Variants in CHCHD3 observed in about 807,000 individuals in gnomAD.
The protein encoded by CHCHD3 is coiled-coil-helix-coiled-coil-helix domain containing 3, also known as MICOS complex subunit MIC19.
In CHCHD3, 20 loss-of-function variants were observed where a neutral mutation model predicts 38.2. The ratio of observed to expected loss-of-function variants is 0.52; its 90% CI spans 0.37 to 0.76. The LOEUF (loss-of-function observed/expected upper bound fraction) is 0.76. Among genes scored for constraint, CHCHD3 ranks in the 30% least tolerant of loss-of-function variants. The probability of loss-of-function intolerance (pLI) is 0.00; values close to 1 mark genes in which losing one functional copy is unlikely to be tolerated. For missense variants in CHCHD3, 245 were observed against 279.2 expected, an observed-to-expected ratio of 0.88 and a Z score of 0.87; for synonymous variants, 82 against 100.0, an observed-to-expected ratio of 0.82 and a Z score of 1.07.
chr7:132,985,281 C>T lies in CHCHD3; in HGVS notation c.252-9995G>A, dbSNP rs1237367371. ...TCAGCCCCCCGCCCGGCCAGCCGCC[C>T]CGTCCGGGAGGTGAGGGGCGCCTCT... On this transcript the variant is annotated intron_variant, in intron 3 of 7. Transcript: ENST00000262570. 2.6e-4 allele frequency among the ~76,000 whole-genome samples: 19 copies of T among 72,008 alleles called. 2 individuals are homozygous for T. Among genetic ancestry groups the T allele is most frequent in the African/African-American group, 8.6e-4 (16 of 18,544 alleles). 47.2% of individuals were successfully genotyped at this position (72,008 alleles called of 152,430 possible). A position where few individuals can be genotyped will look rare whatever the true frequency, so the allele number is the denominator to read the frequency against.
chr7:133,056,979 A>G (rs981848304), intron 2 of CHCHD3, among the ~76,000 whole-genome samples: 1 of 152,234 alleles, frequency 6.6e-6, no homozygotes. Flanking sequence ...TGGTGATTTA[A>G]CTACCACCTT....
intron 2 of CHCHD3, among the ~76,000 whole-genome samples, chr7:133,069,319 G>T (rs527907385): frequency 7.1e-6 from 1 of 141,594 alleles, no homozygotes; most frequent in African/African-American, 2.5e-5. Context: ...CGGGGCGGGG[G>T]GGGTCACAAT....
At chr7:132,982,407 C>G (rs1362653044) in intron 3 of CHCHD3, among the ~76,000 whole-genome samples, 1 of 152,180 alleles carries the variant, frequency 6.6e-6, no homozygotes, top group African/African-American at 2.4e-5. Flanking sequence ...GCCTCAGTCT[C>G]CCAAGTAGCT....
rs1811181753 is a variant in CHCHD3 at position 132,956,716 on chromosome 7, G to C, written c.369+18453C>G. Among the ~76,000 whole-genome samples the C allele has an allele frequency of 2.6e-5, 4 of 152,182 alleles. No homozygotes were observed. The South Asian group carries it at 8.3e-4, about 32-fold the overall frequency. ...TCTCACTCATTGTAACAGTCGTCTT[G>C]AAGATAACTGATAGTCTAGGCCTTT... On this transcript the variant is annotated intron_variant, in intron 4 of 7. Coordinates refer to ENST00000262570, the MANE Select transcript of CHCHD3 (RefSeq NM_017812.4).
chr7:133,053,885 A>G (rs1039057175), intron 2 of CHCHD3, among the ~76,000 whole-genome samples: 9 of 152,222 alleles, frequency 5.9e-5, no homozygotes, highest in Non-Finnish European at 1.2e-4. Context: ...ATGAATGAAC[A>G]CACAAGAAAA....
chr7:132,887,168 T>C (rs1362579892), intron 4 of CHCHD3, among the ~76,000 whole-genome samples: 1 of 151,900 alleles, frequency 6.6e-6, no homozygotes, highest in African/African-American at 2.4e-5. Context: ...CACTATGCTG[T>C]TACAGTTTGA....
intron 6 of CHCHD3, among the ~76,000 whole-genome samples, chr7:132,837,750 A>G (rs1807824974): frequency 6.6e-6 from 1 of 152,220 alleles, no homozygotes; most frequent in African/African-American, 2.4e-5. Context: ...CAATAGGACT[A>G]TTTATATACT....
intron 5 of CHCHD3, chr7:132,847,206 A>G (rs1470530710): frequency 6.6e-6 from 1 of 152,174 alleles, no homozygotes; most frequent in Admixed American, 6.5e-5. Context: ...CAATTATATC[A>G]TGCAAAGGAG....
chr7:132,823,863 G>A (rs1807442942), intron 6 of CHCHD3, among the ~76,000 whole-genome samples: 1 of 152,222 alleles, frequency 6.6e-6, no homozygotes, highest in Non-Finnish European at 1.5e-5. Flanking sequence ...ATAGCTAGGA[G>A]TAATGAAAAC....
chr7:132,802,360 A>G (rs1482864206), intron 6 of CHCHD3, among the ~76,000 whole-genome samples: 1 of 152,038 alleles, frequency 6.6e-6, no homozygotes. Flanking sequence ...CACAGCTCTC[A>G]TTCTACCCTT....
chr7:132,879,657 G>C (rs755737562), intron 5 of CHCHD3, among the ~76,000 whole-genome samples: 3 of 118,848 alleles, frequency 2.5e-5, no homozygotes, highest in Non-Finnish European at 4.8e-5. Flanking sequence ...ACATTTTCCT[G>C]AAGAACACAC....
At chr7:133,003,106 A>G (rs1812613511) in intron 3 of CHCHD3, among the ~76,000 whole-genome samples, 1 of 152,246 alleles carries the variant, frequency 6.6e-6, no homozygotes, top group Non-Finnish European at 1.5e-5. Flanking sequence ...AAATCCTGAA[A>G]GCATTAAGGA....
At chr7:132,818,581 T>C (rs991760446) in intron 6 of CHCHD3, among the ~76,000 whole-genome samples, 11 of 152,166 alleles carry the variant, frequency 7.2e-5, no homozygotes, top group African/African-American at 2.7e-4. Flanking sequence ...AAGTATTTAA[T>C]TGGTGTTCTT....
chr7:132,963,322 ATTTTTTTTTTTT>A lies in CHCHD3; in HGVS notation c.369+11835_369+11846del, dbSNP rs1005146883. ...TTAAGAAAGGAATTTTAAAATTGTAATTTTTTTTTTTTTTTTTTTTTTTTTTTTGCCAGGCAC... is the reference window on the plus strand; with the variant it reads ...TTAAGAAAGGAATTTTAAAATTGTAATTTTTTTTTTTTTTTTGCCAGGCAC... On this transcript the variant is annotated intron_variant, in intron 4 of 7. Transcript: ENST00000262570. 1.0e-4 allele frequency among the ~76,000 whole-genome samples: 9 copies of A among 87,574 alleles called. No individual in the cohort carries two copies. In the South Asian group the frequency reaches 2.3e-3, roughly 23 times the overall value. The allele number at this position is 87,574 out of a possible 152,430, so 57.5% of individuals were successfully genotyped here. A position where few individuals can be genotyped will look rare whatever the true frequency, so the allele number is the denominator to read the frequency against.
chr7:132,919,641 C>T (rs1442879932), intron 4 of CHCHD3, among the ~76,000 whole-genome samples: 1 of 152,184 alleles, frequency 6.6e-6, no homozygotes, highest in African/African-American at 2.4e-5. Flanking sequence ...TGCTGTTGGG[C>T]TCAGTTTAGT....
At chr7:132,800,756 A>AGAGTCCTGCTCTCCTGCT (rs1806769456) in intron 6 of CHCHD3, among the ~76,000 whole-genome samples, 1 of 152,288 alleles carries the variant, frequency 6.6e-6, no homozygotes, top group South Asian at 2.1e-4. Context: ...TTCTACAGAT[A>AGAGTCCTGCTCTCCTGCT]CTATGATGAA....
intron 4 of CHCHD3, among the ~76,000 whole-genome samples, chr7:132,946,163 C>T (rs1007731845): frequency 7.2e-6 from 1 of 139,714 alleles, no homozygotes; most frequent in Non-Finnish European, 1.6e-5. Context: ...ATTTACTTGG[C>T]CTTTATATAT....
intron 1 of CHCHD3, among the ~76,000 whole-genome samples, 153 bp downstream of exon 1, chr7:133,081,704 G>A (rs1815174959): frequency 6.6e-6 from 1 of 152,240 alleles, no homozygotes; most frequent in African/African-American, 2.4e-5. Context: ...CCCACGTCTT[G>A]AAACTCTAGG....
intron 2 of CHCHD3, among the ~76,000 whole-genome samples, chr7:133,069,611 C>A (rs1250242457): frequency 6.6e-6 from 1 of 152,144 alleles, no homozygotes; most frequent in Non-Finnish European, 1.5e-5. Flanking sequence ...AGCATTAAGT[C>A]TCTTATCCAG....
Sources: gnomAD v4.1 joint callset for allele counts (sites outside exome capture counted in the v4.1 genomes callset) on GRCh38, gnomAD v4.1.1 for gene constraint, MANE v1.5 for transcripts, NCBI Gene and HGNC (gene_info 2026-07-23, HGNC 2026-07-21) for gene names.